Variants in ELMO1 observed in about 807,000 individuals in gnomAD.
ELMO1 encodes engulfment and cell motility 1.
ELMO1 carries 26 observed loss-of-function variants against 98.9 expected under a neutral mutation model. The ratio of observed to expected loss-of-function variants is 0.26; its 90% CI spans 0.19 to 0.36. ELMO1 has a LOEUF of 0.36. Ranked by LOEUF, ELMO1 falls within the 10% of genes least tolerant of loss-of-function variation. ELMO1 has a pLI of 1.00. For synonymous variants in ELMO1, 346 were observed against 346.0 expected (o/e 1.00, Z 0.00); for missense variants, 627 against 935.2 (o/e 0.67, Z 4.30).
chr7:36,885,016 A>C (rs1486133033), intron 18 of ELMO1, among the ~76,000 whole-genome samples: 1 of 152,166 alleles, frequency 6.6e-6, no homozygotes, highest in Non-Finnish European at 1.5e-5. Flanking sequence ...GTTCTTATTA[A>C]TCTGTGTAAA....
intron 16 of ELMO1, among the ~76,000 whole-genome samples, chr7:36,952,735 C>T (rs1012626087): frequency 2.0e-5 from 3 of 152,058 alleles, no homozygotes; most frequent in African/African-American, 7.2e-5. Flanking sequence ...CACAGAGTCT[C>T]AAGAGAGGTC....
At chr7:37,170,106 T>C (rs1323664870) in intron 13 of ELMO1, among the ~76,000 whole-genome samples, 1 of 152,202 alleles carries the variant, frequency 6.6e-6, no homozygotes, top group Admixed American at 6.5e-5. Context: ...GGTTTCACCA[T>C]GTTGGCCAGG....
intron 16 of ELMO1, among the ~76,000 whole-genome samples, chr7:36,928,912 C>A (rs1334412908): frequency 6.6e-6 from 1 of 152,192 alleles, no homozygotes; most frequent in Non-Finnish European, 1.5e-5. Context: ...CAACAAGGGA[C>A]CAGAAAGACA....
intron 1 of ELMO1, among the ~76,000 whole-genome samples, chr7:37,344,538 A>G (rs1800895615): frequency 1.3e-5 from 2 of 152,238 alleles, no homozygotes; most frequent in Non-Finnish European, 2.9e-5. Flanking sequence ...CCATAAACTT[A>G]TATATAACTG....
intron 15 of ELMO1, among the ~76,000 whole-genome samples, chr7:37,037,822 T>C (rs1795280191): frequency 6.6e-6 from 1 of 152,202 alleles, no homozygotes; most frequent in African/African-American, 2.4e-5. Context: ...GACACGTGAA[T>C]GTATATGGCT....
At chr7:36,903,893 C>T (rs558148683) in intron 16 of ELMO1, among the ~76,000 whole-genome samples, 1 of 152,364 alleles carries the variant, frequency 6.6e-6, no homozygotes, top group South Asian at 2.1e-4. Flanking sequence ...TTGGTACTCT[C>T]ACTGGGGACA....
chr7:37,229,795 T>G (rs1214247426), intron 8 of ELMO1, among the ~76,000 whole-genome samples: 1 of 152,214 alleles, frequency 6.6e-6, no homozygotes, highest in East Asian at 1.9e-4. Flanking sequence ...AAAATGAGAC[T>G]GGGAATGAGG....
intron 7 of ELMO1, among the ~76,000 whole-genome samples, chr7:37,242,260 C>A (rs2130694954): frequency 6.6e-6 from 1 of 152,256 alleles, no homozygotes; most frequent in East Asian, 1.9e-4. Context: ...AAAATTTTCA[C>A]TTTATTGTGC....
chr7:36,905,390 G>A (rs1190076414), intron 16 of ELMO1, among the ~76,000 whole-genome samples: 3 of 152,072 alleles, frequency 2.0e-5, no homozygotes, highest in Admixed American at 2.0e-4. Context: ...TGGTGGGGAG[G>A]GGATGGTGAA....
intron 13 of ELMO1, among the ~76,000 whole-genome samples, chr7:37,166,176 G>A (rs1300442920): frequency 6.6e-6 from 1 of 152,126 alleles, no homozygotes; most frequent in East Asian, 1.9e-4. Flanking sequence ...TGTGGGATTG[G>A]TGGTGATATC....
intron 14 of ELMO1, among the ~76,000 whole-genome samples, chr7:37,111,584 C>A (rs1785253365): frequency 6.6e-6 from 1 of 152,224 alleles, no homozygotes; most frequent in South Asian, 2.1e-4. Context: ...CCAGAGCTGT[C>A]TGGGTCCAAA....
At chr7:36,948,642 A>AT (rs1562848023) in intron 16 of ELMO1, among the ~76,000 whole-genome samples, 2 of 152,048 alleles carry the variant, frequency 1.3e-5, no homozygotes, top group South Asian at 2.1e-4. Context: ...AGATTATCTC[A>AT]TTTTTTTCTT....
chr7:37,337,523 T>TA lies in ELMO1; in HGVS notation c.78+5089dup, dbSNP rs57584545. Among the ~76,000 whole-genome samples, 102 of 132,652 alleles carry TA rather than the reference T, an allele frequency of 7.7e-4. 1 individual carries two copies. The Middle Eastern group carries it at 0.023, about 30-fold the overall frequency. 87.0% of individuals were successfully genotyped at this position (132,652 alleles called of 152,430 possible). ...CACATGTACCCTAAAACTTAAAGTATAAAAAAAAAAAAAAAAAAACACCTA... is the reference window on the plus strand; with the variant it reads ...CACATGTACCCTAAAACTTAAAGTATAAAAAAAAAAAAAAAAAAAACACCTA... On this transcript the variant is annotated intron_variant, in intron 2 of 21. Transcript: ENST00000310758.
At chr7:37,050,152 C>T (rs1562922562) in intron 15 of ELMO1, among the ~76,000 whole-genome samples, 1 of 152,050 alleles carries the variant, frequency 6.6e-6, no homozygotes, top group Non-Finnish European at 1.5e-5. Flanking sequence ...AACCTTGGCT[C>T]ACTGCAAACT....
intron 15 of ELMO1, among the ~76,000 whole-genome samples, chr7:37,014,889 G>T (rs1034879726): frequency 2.6e-5 from 4 of 152,034 alleles, no homozygotes; most frequent in Admixed American, 2.6e-4. Flanking sequence ...CCTGCCATGT[G>T]GATGAGCAGC....
intron 5 of ELMO1, among the ~76,000 whole-genome samples, chr7:37,261,018 G>T (rs1357735983): frequency 1.3e-5 from 2 of 152,132 alleles, no homozygotes; most frequent in Non-Finnish European, 2.9e-5. Context: ...CTCCAAGAAG[G>T]ATGTTTGCAT....
At chr7:37,292,698 G>A (rs1405956998) in intron 4 of ELMO1, among the ~76,000 whole-genome samples, 1 of 88,178 alleles carries the variant, frequency 1.1e-5, no homozygotes, top group Non-Finnish European at 2.6e-5. Context: ...GAAGTGAGGA[G>A]CGTCTCCGCC....
At chr7:37,414,017 C>T (rs1804108258) in intron 1 of ELMO1, among the ~76,000 whole-genome samples, 1 of 149,754 alleles carries the variant, frequency 6.7e-6, no homozygotes, top group African/African-American at 2.4e-5. Context: ...TGTGAAGTAG[C>T]AAAGTGAAAA....
intron 16 of ELMO1, among the ~76,000 whole-genome samples, chr7:36,992,160 C>G (rs1441158298): frequency 6.6e-6 from 1 of 152,334 alleles, no homozygotes; most frequent in Admixed American, 6.5e-5. Flanking sequence ...ACACCAGGAT[C>G]CACAAAATGC....
Sources: allele counts gnomAD v4.1 joint callset (sites outside exome capture counted in the v4.1 genomes callset), GRCh38; gene constraint gnomAD v4.1.1; transcripts MANE v1.5; gene names NCBI Gene and HGNC (gene_info 2026-07-23, HGNC 2026-07-21).